The following CSGALNACT2 variants were observed in gnomAD, a reference collection of about 807,000 sequenced individuals.
CSGALNACT2 encodes the protein chondroitin sulfate N-acetylgalactosaminyltransferase 2.
CSGALNACT2 carries 35 observed loss-of-function variants against 55.3 expected under a neutral mutation model. That is an observed-to-expected ratio of 0.63 (90% confidence interval 0.48 to 0.84). The LOEUF (loss-of-function observed/expected upper bound fraction) is 0.84. CSGALNACT2 is among the 40% of genes least tolerant of loss of function. CSGALNACT2 has a pLI of 0.00. For missense variants in CSGALNACT2, 544 were observed against 657.5 expected (o/e 0.83, Z 1.89); for synonymous variants, 196 against 224.9 (o/e 0.87, Z 1.15).
chr10:43,145,417 T>C (rs1039024428), intron 1 of CSGALNACT2, among the ~76,000 whole-genome samples: 2 of 145,600 alleles, frequency 1.4e-5, no homozygotes, highest in Admixed American at 1.4e-4. Flanking sequence ...TTTCTTTTTT[T>C]TTTTTTTTTT....
chr10:43,161,400 A>C (rs539587683), intron 4 of CSGALNACT2, among the ~76,000 whole-genome samples: 1 of 152,354 alleles, frequency 6.6e-6, no homozygotes, highest in East Asian at 1.9e-4. Context: ...TAACCACACC[A>C]GCTCTATATC....
Position 43,184,152 on chromosome 10 carries a change from G to A in CSGALNACT2, c.*610G>A, listed in dbSNP as rs1246902277. ...CCTGAAAGTCTGTTTTTAAGCAAAT[G>A]GGTAATAGTAGAAAATAGGTTAGAA... On this transcript the variant is annotated 3_prime_UTR_variant, in exon 8 of 8. Transcript: ENST00000374466. 1 of 152,486 alleles carries A rather than the reference G, an allele frequency of 6.6e-6. No homozygotes were observed. The highest frequency in any genetic ancestry group is 1.5e-5 in the Non-Finnish European group (1 of 68,286). The allele number at this position is 152,486 out of a possible 1,614,324, so 9.4% of individuals were successfully genotyped here. A position where few individuals can be genotyped will look rare whatever the true frequency, so the allele number is the denominator to read the frequency against.
At chr10:43,149,587 G>A (rs1006686187) in intron 1 of CSGALNACT2, among the ~76,000 whole-genome samples, 1 of 152,028 alleles carries the variant, frequency 6.6e-6, no homozygotes, top group Non-Finnish European at 1.5e-5. Flanking sequence ...TATATTGCTG[G>A]GTTCGTTTTG....
At chr10:43,175,519 A>G (rs1215136202) in intron 6 of CSGALNACT2, among the ~76,000 whole-genome samples, 1 of 152,088 alleles carries the variant, frequency 6.6e-6, no homozygotes, top group Middle Eastern at 3.2e-3. Flanking sequence ...CCCACTCCGA[A>G]TCTACTGGTG....
intron 1 of CSGALNACT2, among the ~76,000 whole-genome samples, chr10:43,153,651 A>G (rs1838929815): frequency 6.6e-6 from 1 of 152,192 alleles, no homozygotes; most frequent in African/African-American, 2.4e-5. Context: ...CTGCTGTCAT[A>G]TCACATTATC....
chr10:43,160,603 AACCACATCTG>A lies in CSGALNACT2; in HGVS notation c.980+9_980+18del. 1 of 1,271,714 alleles carries A rather than the reference AACCACATCTG, an allele frequency of 7.9e-7. No homozygotes were observed. The highest frequency in any genetic ancestry group is 1.2e-6 in the Non-Finnish European group (1 of 869,074). 78.8% of individuals were successfully genotyped at this position (1,271,714 alleles called of 1,614,324 possible). On this transcript the variant is annotated intron_variant, in intron 4 of 7. Coordinates refer to ENST00000374466, the MANE Select transcript of CSGALNACT2 (RefSeq NM_018590.5). ...CCTAGAATCTGTCACCAGGTTGGTG[AACCACATCTG>A]CAGTGAAGGCCTTGATATATAACAT...
intron 1 of CSGALNACT2, among the ~76,000 whole-genome samples, chr10:43,140,263 A>G (rs1342366279): frequency 6.6e-6 from 1 of 152,256 alleles, no homozygotes; most frequent in African/African-American, 2.4e-5. Context: ...TGTCAGCTAT[A>G]GAATGACTGA....
At chr10:43,159,311 T>A (rs1006234032) in intron 3 of CSGALNACT2, among the ~76,000 whole-genome samples, 9 of 152,042 alleles carry the variant, frequency 5.9e-5, no homozygotes, top group African/African-American at 9.7e-5. Context: ...TTTTATTTTT[T>A]TTTTTGAGAC....
intron 6 of CSGALNACT2, 77 bp from the exon 7 acceptor site, chr10:43,175,874 A>C: frequency 7.9e-7 from 1 of 1,263,832 alleles, no homozygotes; most frequent in Non-Finnish European, 1.1e-6. Flanking sequence ...ATTAGAAAAT[A>C]ATTTGTTTCA....
chr10:43,158,864 A>G lies in CSGALNACT2; in HGVS notation c.811A>G (p.Ile271Val), dbSNP rs1173350067. ...TGAGATGATTGACATCACTAGATCA[A>G]TTATTAATATCATTGTGCCACTTGC... ...KSEMIDITRS[I>V]INIIVPLAER... The change falls in exon 3 of 8, where the codon ATT (isoleucine) becomes GTT (valine). Residue 271 changes from isoleucine to valine, a missense_variant. Around this residue, in one of 2 missense-constraint regions of CSGALNACT2, gnomAD observed 374 missense variants for 401.3 expected, o/e 0.93. Transcript: ENST00000374466. The G allele has an allele frequency of 2.2e-5, 35 of 1,612,646 alleles. No individual in the cohort carries two copies. Among genetic ancestry groups the G allele is most frequent in the Non-Finnish European group, 2.5e-5 (30 of 1,178,892 alleles).
chr10:43,148,458 T>G (rs1838807174), intron 1 of CSGALNACT2, among the ~76,000 whole-genome samples: 1 of 152,234 alleles, frequency 6.6e-6, no homozygotes, highest in Admixed American at 6.5e-5. Context: ...AGGATTGTGT[T>G]TAATCTGTAC....
In CSGALNACT2 at chr10:43,183,313, TACATGGTGACCTC is replaced by T. The variant is rs1488596408; in HGVS notation, c.1402_1414del (p.His468LeufsTer2). 6.2e-7 allele frequency: 1 copy of T among 1,613,634 alleles called. No homozygotes were observed. Among genetic ancestry groups the T allele is most frequent in the Non-Finnish European group, 8.5e-7 (1 of 1,179,660 alleles). ...GATGTTCATCTTTATCGAAAATACT[TACATGGTGACCTC>T]ATTGTGATTCGGACTCCGGTTCCTG... On this transcript the variant is annotated frameshift_variant, in exon 8 of 8. Coordinates refer to ENST00000374466, the MANE Select transcript of CSGALNACT2 (RefSeq NM_018590.5). LOFTEE classifies it high-confidence loss of function.
Position 43,154,897 on chromosome 10 carries a change from A to G in CSGALNACT2, c.-253A>G. 2.3e-6 allele frequency: 1 copy of G among 443,252 alleles called. No individual in the cohort carries two copies. Among genetic ancestry groups the G allele is most frequent in the South Asian group, 3.5e-5 (1 of 28,514 alleles). 27.5% of individuals were successfully genotyped at this position (443,252 alleles called of 1,614,324 possible). ...ATTGATTCTGATCTGTGTCTTTCAGAAAAATCACTACCAATATAATGGATT... is the reference window on the plus strand; with the variant it reads ...ATTGATTCTGATCTGTGTCTTTCAGGAAAATCACTACCAATATAATGGATT... On this transcript the variant is annotated splice_region_variant and 5_prime_UTR_variant, in exon 2 of 8. Coordinates refer to ENST00000374466, the MANE Select transcript of CSGALNACT2 (RefSeq NM_018590.5).
At chr10:43,168,768 G>T (rs1331763680) in intron 6 of CSGALNACT2, among the ~76,000 whole-genome samples, 3 of 151,708 alleles carry the variant, frequency 2.0e-5, no homozygotes, top group African/African-American at 7.3e-5. Context: ...GTTCAAAATG[G>T]CAAACTGAGC....
chr10:43,163,519 G>A, intron 4 of CSGALNACT2: 1 of 985,390 alleles, frequency 1.0e-6, no homozygotes, highest in Non-Finnish European at 1.2e-6. Context: ...TGATCTTTGT[G>A]TGTGTTATCC....
At chr10:43,151,204 A>G (rs1353619503) in intron 1 of CSGALNACT2, among the ~76,000 whole-genome samples, 1 of 152,138 alleles carries the variant, frequency 6.6e-6, no homozygotes, top group African/African-American at 2.4e-5. Flanking sequence ...TTTTTTCATT[A>G]TGGATCATAT....
chr10:43,183,412 G>T lies in CSGALNACT2; in HGVS notation c.1499G>T (p.Arg500Leu), dbSNP rs144260871. The T allele has an allele frequency of 8.7e-6, 14 of 1,614,122 alleles. No individual in the cohort carries two copies. The South Asian group carries it at 1.3e-4, about 15-fold the overall frequency. ...CADELTPEQY[R>L]MCIQSKAMNE... Reference sequence around the variant, plus strand: ...GATGAGCTGACCCCCGAGCAGTACCGCATGTGCATCCAGTCTAAAGCCATG... The same window carrying T: ...GATGAGCTGACCCCCGAGCAGTACCTCATGTGCATCCAGTCTAAAGCCATG... The change falls in exon 8 of 8, where the codon CGC becomes CTC. Residue 500 changes from arginine to leucine, a missense_variant. Coordinates refer to ENST00000374466, the MANE Select transcript of CSGALNACT2 (RefSeq NM_018590.5).
intron 4 of CSGALNACT2, chr10:43,162,545 C>G: frequency 2.0e-6 from 2 of 985,410 alleles, no homozygotes; most frequent in Non-Finnish European, 2.4e-6. Flanking sequence ...TTCCTTAAGA[C>G]GGGGAGAAGA....
intron 1 of CSGALNACT2, among the ~76,000 whole-genome samples, chr10:43,149,496 C>T (rs1176825912): frequency 6.6e-6 from 1 of 152,158 alleles, no homozygotes; most frequent in Non-Finnish European, 1.5e-5. Flanking sequence ...TGGTATATTG[C>T]ATTAATTGAT....
Sources: allele counts gnomAD v4.1 joint callset (sites outside exome capture counted in the v4.1 genomes callset), GRCh38; gene constraint gnomAD v4.1.1; regional missense constraint gnomAD v4.1.1; transcripts MANE v1.5; gene names NCBI Gene and HGNC (gene_info 2026-07-23, HGNC 2026-07-21).